TRHDE: variants seen among roughly 807,000 people sequenced by gnomAD.
The protein encoded by TRHDE is thyrotropin-releasing hormone-degrading ectoenzyme.
Under a neutral mutation model 125.7 loss-of-function variants are expected in TRHDE, and 72 were observed. The ratio of observed to expected loss-of-function variants is 0.57; its 90% confidence interval spans 0.47 to 0.70. The LOEUF (loss-of-function observed/expected upper bound fraction) is 0.70, where lower values mean the gene tolerates loss of function less well. Among genes scored for constraint, TRHDE ranks in the 30% least tolerant of loss-of-function variants. The pLI is 0.00. For missense variants in TRHDE, 1,110 were observed against 1,327.1 expected (o/e 0.84, Z 2.54); for synonymous variants, 509 against 509.1 (o/e 1.00, Z 0.00).
chr12:72,258,661 C>G (rs1355629963), intron 2 of TRHDE, among the ~76,000 whole-genome samples: 1 of 152,100 alleles, frequency 6.6e-6, no homozygotes, highest in Admixed American at 6.6e-5. Flanking sequence ...GCCAGTTGTT[C>G]TCATGTCTTT....
chr12:72,169,734 A>G (rs1876829216), intron 2 of TRHDE, among the ~76,000 whole-genome samples: 1 of 152,018 alleles, frequency 6.6e-6, no homozygotes. Flanking sequence ...AAAGAAAGAT[A>G]CAAATACCCT....
intron 2 of TRHDE, among the ~76,000 whole-genome samples, chr12:72,165,608 A>G (rs1304708386): frequency 6.6e-6 from 1 of 152,082 alleles, no homozygotes; most frequent in Non-Finnish European, 1.5e-5. Flanking sequence ...ACATGTATGT[A>G]TATATAAACA....
chr12:72,446,618 C>T (rs1416705497), intron 3 of TRHDE, among the ~76,000 whole-genome samples: 4 of 152,112 alleles, frequency 2.6e-5, no homozygotes, highest in African/African-American at 9.7e-5. Flanking sequence ...AGACCCATCT[C>T]ATGTGCAGAG....
At chr12:72,290,405 T>G (rs1237538706) in intron 2 of TRHDE, among the ~76,000 whole-genome samples, 2 of 152,258 alleles carry the variant, frequency 1.3e-5, no homozygotes, top group Admixed American at 1.3e-4. Context: ...TTTTCTTGTT[T>G]GAAAACTGAT....
intron 15 of TRHDE, among the ~76,000 whole-genome samples, chr12:72,625,078 G>T (rs999935695): frequency 1.3e-5 from 2 of 151,752 alleles, no homozygotes; most frequent in Non-Finnish European, 2.9e-5. Flanking sequence ...AAAAAAAATA[G>T]TACATAGTAT....
chr12:72,230,216 C>T (rs1309895851), intron 2 of TRHDE, among the ~76,000 whole-genome samples: 1 of 151,888 alleles, frequency 6.6e-6, no homozygotes, highest in Admixed American at 6.6e-5. Context: ...TACCTTAGAC[C>T]CTATCTAGGT....
intron 2 of TRHDE, 81 bp downstream of exon 2, chr12:72,287,035 A>G (rs1057455759): frequency 7.0e-7 from 1 of 1,432,216 alleles, no homozygotes; most frequent in South Asian, 1.3e-5. Context: ...ACAGTGAGTC[A>G]TTTCTAACCT....
chr12:72,648,813 A>T (rs553660190), intron 15 of TRHDE, among the ~76,000 whole-genome samples: 2 of 152,192 alleles, frequency 1.3e-5, no homozygotes, highest in South Asian at 4.1e-4. Flanking sequence ...AAACTTTCAA[A>T]AGAATAAAAT....
intron 2 of TRHDE, among the ~76,000 whole-genome samples, chr12:72,240,056 T>C (rs903684228): frequency 1.2e-4 from 19 of 152,200 alleles, no homozygotes; most frequent in African/African-American, 4.6e-4. Context: ...TGCAGTGCTC[T>C]GGAGTGTATT....
chr12:72,487,456 T>C (rs1477934977), intron 5 of TRHDE, among the ~76,000 whole-genome samples: 1 of 152,052 alleles, frequency 6.6e-6, no homozygotes, highest in African/African-American at 2.4e-5. Context: ...AGCAGATATC[T>C]TACAGGCCAG....
chr12:72,653,032 C>A lies in TRHDE; in HGVS notation c.2860C>A (p.Leu954Met). ...NLLNRLLNLS[L>M]NSEVVLDQDA... ...TCTTTGAAGGCTTCTAAATCTGTCA[C>A]TGAATTCTGAGGTGGTGCTGGATCA... is the stretch of plus-strand genomic sequence containing the variant. Residue 954 changes from leucine to methionine, a missense_variant, in exon 17 of 19, where the codon CTG becomes ATG. Physicochemically the swap from Leu to Met is conservative, Grantham distance 15. Coordinates refer to ENST00000261180, the MANE Select transcript of TRHDE (RefSeq NM_013381.3). 1 of 1,604,494 alleles carries A rather than the reference C, an allele frequency of 6.2e-7. No homozygotes were observed. Among genetic ancestry groups the A allele is most frequent in the Non-Finnish European group, 8.5e-7 (1 of 1,175,072 alleles).
intron 3 of TRHDE, among the ~76,000 whole-genome samples, chr12:72,391,864 T>C (rs987971660): frequency 6.6e-6 from 1 of 152,194 alleles, no homozygotes; most frequent in Admixed American, 6.5e-5. Context: ...ATGGATTGAA[T>C]TGTGTCTCCC....
At chr12:72,328,341 G>A (rs186485800) in intron 2 of TRHDE, among the ~76,000 whole-genome samples, 1 of 152,062 alleles carries the variant, frequency 6.6e-6, no homozygotes, top group African/African-American at 2.4e-5. Context: ...TTCTTGGTAG[G>A]TCACCTTACT....
intron 3 of TRHDE, among the ~76,000 whole-genome samples, chr12:72,440,142 G>A (rs931597822): frequency 1.3e-5 from 2 of 151,886 alleles, no homozygotes; most frequent in African/African-American, 4.8e-5. Flanking sequence ...TTTTTAGTGT[G>A]CTGTTGTATT....
intron 2 of TRHDE, among the ~76,000 whole-genome samples, chr12:72,187,459 GGTGGTGGTGGTTGTGGTC>G (rs1877245770): frequency 6.7e-6 from 1 of 148,922 alleles, no homozygotes; most frequent in Non-Finnish European, 1.5e-5. Context: ...TGGTGGTGGT[GGTGGTGGTGGTTGTGGTC>G]GTGGTGGTGG....
intron 2 of TRHDE, among the ~76,000 whole-genome samples, chr12:72,322,456 TTGCTGTTG>T (rs1387877124): frequency 6.6e-6 from 1 of 152,150 alleles, no homozygotes; most frequent in Non-Finnish European, 1.5e-5. Context: ...ATGAGTTATA[TTGCTGTTG>T]ATCATGAGTT....
chr12:72,380,885 TCTTC>T lies in TRHDE; in HGVS notation c.1315+2784_1315+2787del, dbSNP rs202006141. Among the ~76,000 whole-genome samples, 192 of 146,744 alleles carry T rather than the reference TCTTC, an allele frequency of 1.3e-3. 2 individuals carry two copies. Among genetic ancestry groups the T allele is most frequent in the African/African-American group, 3.7e-3 (145 of 39,382 alleles). Reference sequence around the variant, plus strand: ...TTTCTCTCTCTCTCTCTTCTTTCTTTCTTCCTTCCTTCCTTCCTTCCTTTCTTGT... The same window carrying T: ...TTTCTCTCTCTCTCTCTTCTTTCTTTCTTCCTTCCTTCCTTCCTTTCTTGT... On this transcript the variant is annotated intron_variant, in intron 3 of 18. Transcript: ENST00000261180.
chr12:72,455,894 A>T (rs1171614306), intron 3 of TRHDE, among the ~76,000 whole-genome samples: 1 of 151,936 alleles, frequency 6.6e-6, no homozygotes, highest in Non-Finnish European at 1.5e-5. Context: ...GATACAGAGG[A>T]GTCTACTTTC....
intron 2 of TRHDE, among the ~76,000 whole-genome samples, chr12:72,340,617 C>T (rs1042272722): frequency 2.0e-5 from 3 of 151,988 alleles, no homozygotes; most frequent in African/African-American, 4.8e-5. Flanking sequence ...GTTGTCCTGC[C>T]GTGGGTGGCT....
Sources: gnomAD v4.1 joint callset for allele counts (sites outside exome capture counted in the v4.1 genomes callset) on GRCh38, gnomAD v4.1.1 for gene constraint, MANE v1.5 for transcripts, NCBI Gene and HGNC (gene_info 2026-07-23, HGNC 2026-07-21) for gene names.